MYO1D: variants seen among roughly 807,000 people sequenced by gnomAD.
The protein encoded by MYO1D is unconventional myosin-Id.
MYO1D carries 83 observed loss-of-function variants against 122.0 expected under a neutral mutation model. That is an observed-to-expected ratio of 0.68 (90% CI 0.57 to 0.82). The LOEUF (loss-of-function observed/expected upper bound fraction) is 0.82. MYO1D is among the 40% of genes least tolerant of loss of function. The pLI, the probability that MYO1D is intolerant of heterozygous loss-of-function variation, is 0.00. For missense variants in MYO1D, 1,157 were observed against 1,269.5 expected (o/e 0.91, Z 1.35); for synonymous variants, 464 against 446.9 (o/e 1.04, Z -0.48).
intron 14 of MYO1D, among the ~76,000 whole-genome samples, chr17:32,731,323 A>AATTG (rs2089636682): frequency 6.6e-6 from 1 of 152,220 alleles, no homozygotes; most frequent in Non-Finnish European, 1.5e-5. Context: ...AACTGATGTT[A>AATTG]AACCTATCCA....
chr17:32,652,906 C>T (rs1488721442), intron 19 of MYO1D, among the ~76,000 whole-genome samples: 2 of 152,188 alleles, frequency 1.3e-5, no homozygotes, highest in African/African-American at 4.8e-5. Context: ...CTCTGGGAGG[C>T]CGAGGCGGGC....
intron 12 of MYO1D, 140 bp from the exon 13 acceptor site, chr17:32,745,425 G>T: frequency 1.7e-6 from 1 of 589,958 alleles, no homozygotes; most frequent in Non-Finnish European, 3.0e-6. Flanking sequence ...ATCTTGTTCT[G>T]TATTAAAGGA....
At chr17:32,524,061 A>G (rs1229045176) in intron 21 of MYO1D, among the ~76,000 whole-genome samples, 1 of 152,250 alleles carries the variant, frequency 6.6e-6, no homozygotes, top group Non-Finnish European at 1.5e-5. Context: ...TGCTGCTATT[A>G]TGATTGCCAC....
intron 16 of MYO1D, among the ~76,000 whole-genome samples, chr17:32,686,021 A>G (rs1567948676): frequency 6.6e-6 from 1 of 152,204 alleles, no homozygotes; most frequent in African/African-American, 2.4e-5. Flanking sequence ...TAGGCTGAAC[A>G]ATGGTCCTTA....
intron 21 of MYO1D, among the ~76,000 whole-genome samples, chr17:32,602,910 G>GA (rs758417524): frequency 4.6e-5 from 7 of 152,014 alleles, no homozygotes; most frequent in South Asian, 2.1e-4. Flanking sequence ...AAAATAGCTA[G>GA]AAAAAATCAA....
chr17:32,678,250 A>AT (rs1006381357), intron 16 of MYO1D, among the ~76,000 whole-genome samples: 2 of 96,662 alleles, frequency 2.1e-5, no homozygotes, highest in Non-Finnish European at 4.9e-5. Flanking sequence ...TCAAAAATAT[A>AT]TTTCTTTTTT....
At chr17:32,753,364 G>GA (rs1402455047) in intron 11 of MYO1D, among the ~76,000 whole-genome samples, 1 of 151,890 alleles carries the variant, frequency 6.6e-6, no homozygotes, top group African/African-American at 2.4e-5. Context: ...TAACAAACCT[G>GA]AACATGTACA....
chr17:32,711,853 A>G (rs2150986487), intron 16 of MYO1D, 135 bp downstream of exon 16: 2 of 740,452 alleles, frequency 2.7e-6, no homozygotes, highest in South Asian at 4.8e-5. Flanking sequence ...AAGGCAACAG[A>G]AAACATTTTA....
chr17:32,738,348 T>A lies in MYO1D; in HGVS notation c.1651A>T (p.Lys551Ter), dbSNP rs757176995. 4 of 1,605,438 alleles carry A rather than the reference T, an allele frequency of 2.5e-6. No individual in the cohort carries two copies. In the Admixed American group the frequency reaches 5.1e-5, roughly 21 times the overall value. ...TTGGTCACCTCTGTAATGCTCAGTT[T>A]GCCTTCAGGCCACATATTCTTGAGC... ...PVLKNMWPEG[K>*]LSITEVTKRP... is the part of the protein sequence containing the mutation. Residue 551 changes from lysine to a stop codon, truncating the protein, a stop_gained, in exon 14 of 22, where the codon AAA becomes TAA. Transcript: ENST00000318217. LOFTEE classifies it high-confidence loss of function.
At chr17:32,648,795 G>A (rs757735203) in intron 19 of MYO1D, among the ~76,000 whole-genome samples, 8 of 152,198 alleles carry the variant, frequency 5.3e-5, no homozygotes, top group Non-Finnish European at 1.0e-4. Context: ...TATCAATACA[G>A]TTAGGCCTAA....
intron 19 of MYO1D, among the ~76,000 whole-genome samples, chr17:32,640,325 T>G (rs2088177876): frequency 6.6e-6 from 1 of 152,080 alleles, no homozygotes; most frequent in Non-Finnish European, 1.5e-5. Flanking sequence ...TTTCTTTCTT[T>G]TTTTCTTTTA....
chr17:32,859,895 C>T (rs1188332215), intron 1 of MYO1D, among the ~76,000 whole-genome samples: 1 of 152,216 alleles, frequency 6.6e-6, no homozygotes, highest in Admixed American at 6.5e-5. Flanking sequence ...GGTATCCACT[C>T]CCTTCCATAC....
intron 1 of MYO1D, among the ~76,000 whole-genome samples, chr17:32,799,612 A>C (rs998515913): frequency 5.3e-5 from 8 of 152,090 alleles, no homozygotes; most frequent in African/African-American, 1.9e-4. Flanking sequence ...GCTCAATGAC[A>C]CTGGTCTGGG....
intron 20 of MYO1D, among the ~76,000 whole-genome samples, chr17:32,614,077 T>TC: frequency 6.7e-6 from 1 of 149,092 alleles, no homozygotes; most frequent in Admixed American, 6.7e-5. Flanking sequence ...TTTTAATTTT[T>TC]TTTTTTTTTT....
At chr17:32,622,482 AGGT>A (rs2087866016) in intron 20 of MYO1D, among the ~76,000 whole-genome samples, 1 of 152,176 alleles carries the variant, frequency 6.6e-6, no homozygotes, top group African/African-American at 2.4e-5. Flanking sequence ...ATAATGTGAC[AGGT>A]GGTGATGTGG....
At chr17:32,797,892 G>C (rs1343666868) in intron 1 of MYO1D, among the ~76,000 whole-genome samples, 2 of 152,156 alleles carry the variant, frequency 1.3e-5, no homozygotes, top group African/African-American at 2.4e-5. Context: ...AATTATTTTA[G>C]ATCTTTTCCA....
intron 15 of MYO1D, among the ~76,000 whole-genome samples, chr17:32,714,873 C>T (rs2089423455): frequency 1.3e-5 from 2 of 151,944 alleles, no homozygotes; most frequent in South Asian, 2.1e-4. Context: ...AGTGAACAGA[C>T]AACTTACAGA....
intron 1 of MYO1D, among the ~76,000 whole-genome samples, chr17:32,787,796 C>G (rs2090313198): frequency 1.3e-5 from 2 of 152,126 alleles, no homozygotes; most frequent in South Asian, 4.2e-4. Flanking sequence ...CATTCTTGTG[C>G]CTTTGCATCC....
chr17:32,530,035 C>T (rs908789582), intron 21 of MYO1D: 7 of 152,252 alleles, frequency 4.6e-5, no homozygotes, highest in African/African-American at 1.4e-4. Context: ...GAGGAGGTTT[C>T]GTGGAGCTCT....
Sources: gnomAD v4.1 joint callset for allele counts (sites outside exome capture counted in the v4.1 genomes callset) on GRCh38, gnomAD v4.1.1 for gene constraint, MANE v1.5 for transcripts, NCBI Gene and HGNC (gene_info 2026-07-23, HGNC 2026-07-21) for gene names.